The following QSOX1 variants were observed in gnomAD, a reference collection of about 807,000 sequenced individuals.
QSOX1 encodes sulfhydryl oxidase 1.
A neutral mutation model predicts 76.1 loss-of-function variants in QSOX1; 40 were observed. The ratio of observed to expected loss-of-function variants is 0.53; its 90% confidence interval spans 0.41 to 0.68. QSOX1 has a LOEUF of 0.68. QSOX1 is among the 30% of genes least tolerant of loss of function. The probability of loss-of-function intolerance (pLI) is 0.00; values close to 1 mark genes in which losing one functional copy is unlikely to be tolerated. For synonymous variants in QSOX1, 392 were observed against 413.1 expected (o/e 0.95, Z 0.62); for missense variants, 931 against 974.3 (o/e 0.96, Z 0.59).
chr1:180,175,454 C>G (rs900191667), intron 3 of QSOX1, 88 bp downstream of exon 3: 2 of 1,442,592 alleles, frequency 1.4e-6, no homozygotes, highest in African/African-American at 2.8e-5. Context: ...GGAGAAAGCC[C>G]TGGCAGTCGG....
intron 3 of QSOX1, among the ~76,000 whole-genome samples, chr1:180,175,691 ACTCCCAG>A (rs2149235714): frequency 6.6e-6 from 1 of 150,824 alleles, no homozygotes; most frequent in African/African-American, 2.4e-5. Context: ...AGTCCTGACG[ACTCCCAG>A]TTCTGAGGGA....
chr1:180,174,833 TC>T (rs936654936), intron 2 of QSOX1, among the ~76,000 whole-genome samples: 1 of 150,978 alleles, frequency 6.6e-6, no homozygotes, highest in Non-Finnish European at 1.5e-5. Flanking sequence ...TAGAGCAACC[TC>T]CCCCCAACTC....
chr1:180,178,076 T>TA (rs1453564527), intron 4 of QSOX1, among the ~76,000 whole-genome samples: 4 of 152,148 alleles, frequency 2.6e-5, no homozygotes, highest in African/African-American at 7.2e-5. Context: ...GTTCCAGACT[T>TA]ATAGCTGTTG....
In QSOX1 at chr1:180,190,556, A is replaced by G. The variant is rs752199880; in HGVS notation, c.1264A>G (p.Asn422Asp). 3 of 1,613,978 alleles carry G rather than the reference A, an allele frequency of 1.9e-6. No individual in the cohort carries two copies. The highest frequency in any genetic ancestry group is 2.5e-6 in the Non-Finnish European group (3 of 1,179,924). Residue 422 changes from asparagine to aspartate, a missense_variant, in exon 10 of 12, where the codon AAT becomes GAT. Asn to Asp is a conservative substitution (Grantham distance 23). Transcript: ENST00000367602. ...HFLTVQAARQ[N>D]VDHSQEAAKA... ...CTTGACTGTGCAGGCAGCTCGGCAA[A>G]ATGTAGACCACTCACAGGAAGCAGG...
chr1:180,194,118 G>A (rs901672749), intron 10 of QSOX1, 95 bp from the exon 11 acceptor site: 49 of 1,258,238 alleles, frequency 3.9e-5, no homozygotes, highest in South Asian at 2.3e-4. Flanking sequence ...GGGTGGCCAC[G>A]GCAGGATGGG....
chr1:180,197,779 A>C lies in QSOX1; in HGVS notation c.*742A>C. The C allele has an allele frequency of 3.9e-6, 1 of 257,782 alleles. No homozygotes were observed. The highest frequency in any genetic ancestry group is 7.7e-6 in the Non-Finnish European group (1 of 130,616). 16.0% of individuals were successfully genotyped at this position (257,782 alleles called of 1,614,324 possible). A position where few individuals can be genotyped will look rare whatever the true frequency, so the allele number is the denominator to read the frequency against. On this transcript the variant is annotated 3_prime_UTR_variant, in exon 12 of 12. Transcript: ENST00000367602. ...GCTGCAGGAGAAGATGGCTGCTTTC[A>C]CTTCCCCCCATTGAGCTCTGCTCCC... is the stretch of plus-strand genomic sequence containing the variant.
intron 3 of QSOX1, 128 bp from the exon 4 acceptor site, chr1:180,175,803 G>T (rs569713974): frequency 8.3e-6 from 6 of 720,062 alleles, no homozygotes; most frequent in South Asian, 3.5e-5. Context: ...AAGGACTGAC[G>T]CCTCGTCTGT....
At position 180,202,276 on chromosome 1, in the gene QSOX1, C is replaced by T. The variant is rs1315033331; in HGVS notation, c.*5239C>T. 6.6e-6 allele frequency: 1 copy of T among 152,210 alleles called. No individual in the cohort carries two copies. Among genetic ancestry groups the T allele is most frequent in the East Asian group, 1.9e-4 (1 of 5,198 alleles). 9.4% of individuals were successfully genotyped at this position (152,210 alleles called of 1,614,324 possible). A position where few individuals can be genotyped will look rare whatever the true frequency, so the allele number is the denominator to read the frequency against. On this transcript the variant is annotated 3_prime_UTR_variant, in exon 12 of 12. Transcript: ENST00000367602. ...AGCTGCTGCTTTGGCAAGACTTGGT[C>T]GTCTCTATACTGAGAGAGCAAAAGC...
At chr1:180,178,658 G>T (rs1000973091) in intron 4 of QSOX1, 136 bp from the exon 5 acceptor site, 3 of 736,798 alleles carry the variant, frequency 4.1e-6, no homozygotes, top group Admixed American at 2.1e-5. Context: ...GACTCCCTTG[G>T]AGGGCCCTGT....
chr1:180,155,159 C>T lies in QSOX1; in HGVS notation c.252C>T (p.Ala84=). ...IAFAPTWKAL[A]EDVKAWRPAL... ...TCGCCCCGACGTGGAAGGCGCTGGC[C>T]GAAGACGTCAAAGGTGAGAAGCGGG... The change falls in exon 1 of 12, where the codon GCC becomes GCT. Residue 84 remains alanine, a synonymous_variant. Coordinates refer to ENST00000367602, the MANE Select transcript of QSOX1 (RefSeq NM_002826.5). The T allele has an allele frequency of 6.6e-7, 1 of 1,516,526 alleles. No homozygotes were observed. 93.9% of individuals were successfully genotyped at this position (1,516,526 alleles called of 1,614,324 possible). A position where few individuals can be genotyped will look rare whatever the true frequency, so the allele number is the denominator to read the frequency against.
At position 180,197,677 on chromosome 1, in the gene QSOX1, G is replaced by A; in HGVS notation, c.*640G>A. On this transcript the variant is annotated 3_prime_UTR_variant, in exon 12 of 12. Coordinates refer to ENST00000367602, the MANE Select transcript of QSOX1 (RefSeq NM_002826.5). ...AGCCATGGTTGCTGGGCTGTAGGGT[G>A]AGTGGCTTGCTTGGTGGGACCTGAC... is the stretch of plus-strand genomic sequence containing the variant. 2.6e-6 allele frequency: 1 copy of A among 386,514 alleles called. No homozygotes were observed. Among genetic ancestry groups the A allele is most frequent in the South Asian group, 3.1e-5 (1 of 31,974 alleles). 23.9% of individuals were successfully genotyped at this position (386,514 alleles called of 1,614,324 possible).
At chr1:180,194,995 C>CCGGG (rs1663425320) in intron 11 of QSOX1, among the ~76,000 whole-genome samples, 1 of 133,164 alleles carries the variant, frequency 7.5e-6, no homozygotes, top group Admixed American at 7.2e-5. Flanking sequence ...TGACAGCCTC[C>CCGGG]CGGGGGGGGG....
chr1:180,200,846 C>T lies in QSOX1; in HGVS notation c.*3809C>T, dbSNP rs1387800646. 1 of 152,230 alleles carries T rather than the reference C, an allele frequency of 6.6e-6. No individual in the cohort carries two copies. Among genetic ancestry groups the T allele is most frequent in the African/African-American group, 2.4e-5 (1 of 41,450 alleles). The allele number at this position is 152,230 out of a possible 1,614,324, so 9.4% of individuals were successfully genotyped here. A position where few individuals can be genotyped will look rare whatever the true frequency, so the allele number is the denominator to read the frequency against. ...ATGTCCTGTTCCATCGGTAGAGTTA[C>T]ACACTTTCCTGAGACTTTATATGGT... On this transcript the variant is annotated 3_prime_UTR_variant, in exon 12 of 12. Coordinates refer to ENST00000367602, the MANE Select transcript of QSOX1 (RefSeq NM_002826.5).
At position 180,197,104 on chromosome 1, in the gene QSOX1, T is replaced by TTGCCCC; in HGVS notation, c.*67_*68insTGCCCC. On this transcript the variant is annotated 3_prime_UTR_variant, in exon 12 of 12. Coordinates refer to ENST00000367602, the MANE Select transcript of QSOX1 (RefSeq NM_002826.5). ...GGCACCTCAAGCCCCCTGACCCCAT[T>TTGCCCC]CCCTCCCCTCCCACCCCTTGCTCCT... is the stretch of plus-strand genomic sequence containing the variant. The TTGCCCC allele has an allele frequency of 6.7e-7, 1 of 1,484,722 alleles. No individual in the cohort carries two copies. The highest frequency in any genetic ancestry group is 9.0e-7 in the Non-Finnish European group (1 of 1,108,682). The allele number at this position is 1,484,722 out of a possible 1,614,324, so 92.0% of individuals were successfully genotyped here.
chr1:180,179,853 G>A (rs1558188818), intron 5 of QSOX1, among the ~76,000 whole-genome samples: 1 of 152,230 alleles, frequency 6.6e-6, no homozygotes. Flanking sequence ...GTTGGGGAGG[G>A]GAAAGACAGC....
At chr1:180,190,382 T>C (rs1663278325) in intron 9 of QSOX1, 51 bp from the exon 10 acceptor site, 1 of 1,566,586 alleles carries the variant, frequency 6.4e-7, no homozygotes, top group South Asian at 1.1e-5. Flanking sequence ...TCTCTGCCTC[T>C]CCCATCCTTT....
rs3738115 is a variant in QSOX1 at position 180,196,564 on chromosome 1, A to C, written c.1771A>C (p.Asn591His). ...GKPEMMKSPTNTTPHVPAEGP... is the reference protein window; with the variant it reads ...GKPEMMKSPTHTTPHVPAEGP... ...GCCTGAGATGATGAAGTCCCCCACA[A>C]ACACCACCCCACATGTGCCGGCTGA... The change falls in exon 12 of 12, where the codon AAC becomes CAC. Residue 591 changes from asparagine (N) to histidine (H), a missense_variant. Coordinates refer to ENST00000367602, the MANE Select transcript of QSOX1 (RefSeq NM_002826.5). This position sits in a 1 kb window ranked among gnomAD's most constrained non-coding sequence, Gnocchi z 4.1. 0.019 allele frequency: 31,031 copies of C among 1,614,102 alleles called. 1,870 individuals carry two copies. The East Asian group carries it at 0.27, about 14-fold the overall frequency.
rs139346294 is a variant in QSOX1 at position 180,196,508 on chromosome 1, A to C, written c.1715A>C (p.Glu572Ala). ...CTGGCGATGGGAGCCCTGGAGCTGGAAAGCCGGAATTCAACTCTGGACCCT... is the reference window on the plus strand; with the variant it reads ...CTGGCGATGGGAGCCCTGGAGCTGGCAAGCCGGAATTCAACTCTGGACCCT... ...PELAMGALEL[E>A]SRNSTLDPGK... The change falls in exon 12 of 12, where the codon GAA (glutamate) becomes GCA (alanine). Residue 572 changes from glutamate to alanine, a missense_variant. By Grantham distance (107) the Glu-to-Ala change is moderately radical. Coordinates refer to ENST00000367602, the MANE Select transcript of QSOX1 (RefSeq NM_002826.5). This position sits in a 1 kb window ranked among gnomAD's most constrained non-coding sequence, Gnocchi z 4.1. The C allele has an allele frequency of 3.1e-6, 5 of 1,613,946 alleles. No individual in the cohort carries two copies. The East Asian group carries it at 6.7e-5, about 22-fold the overall frequency.
At chr1:180,185,935 ACT>A in intron 7 of QSOX1, 116 bp from the exon 8 acceptor site, 9 of 1,260,898 alleles carry the variant, frequency 7.1e-6, no homozygotes, top group Non-Finnish European at 1.0e-5. Context: ...AACTTACAAG[ACT>A]CTGTGACCAT....
Sources: allele counts gnomAD v4.1 joint callset (sites outside exome capture counted in the v4.1 genomes callset), GRCh38; gene constraint gnomAD v4.1.1; non-coding constraint Gnocchi (gnomAD v3.1); transcripts MANE v1.5; gene names NCBI Gene and HGNC (gene_info 2026-07-23, HGNC 2026-07-21).